ASCC2: variants seen among roughly 807,000 people sequenced by gnomAD.
The protein encoded by ASCC2 is ASC-1 complex subunit P100.
ASCC2 carries 42 observed loss-of-function variants against 93.5 expected under a neutral mutation model. That is an observed-to-expected ratio of 0.45 (90% CI 0.35 to 0.58). The LOEUF (loss-of-function observed/expected upper bound fraction) is 0.58, where lower values mean the gene tolerates loss of function less well. ASCC2 is among the 20% of genes least tolerant of loss of function. ASCC2 has a pLI of 0.00. For synonymous variants in ASCC2, 364 were observed against 384.2 expected, an observed-to-expected ratio of 0.95 and a Z score of 0.62; for missense variants, 859 against 977.6, an observed-to-expected ratio of 0.88 and a Z score of 1.62.
intron 11 of ASCC2, 38 bp downstream of exon 11, chr22:29,806,447 G>A: frequency 6.2e-7 from 1 of 1,605,054 alleles, no homozygotes; most frequent in Non-Finnish European, 8.5e-7. Context: ...GGGACCTGTG[G>A]GAGGGTCATG....
At chr22:29,794,719 T>A (rs549009631) in intron 15 of ASCC2, among the ~76,000 whole-genome samples, 9 of 152,300 alleles carry the variant, frequency 5.9e-5, no homozygotes, top group Admixed American at 3.9e-4. Flanking sequence ...CGTTGTGTGG[T>A]AGTTGTCAAG....
chr22:29,796,440 C>CG (rs2058451437), intron 15 of ASCC2, among the ~76,000 whole-genome samples: 1 of 152,062 alleles, frequency 6.6e-6, no homozygotes, highest in Non-Finnish European at 1.5e-5. Context: ...ATGTGCTGAA[C>CG]GGAAGCCCTG....
chr22:29,793,505 G>C lies in ASCC2; in HGVS notation c.1789-15C>G. 7 of 1,614,130 alleles carry C rather than the reference G, an allele frequency of 4.3e-6. No individual in the cohort carries two copies. Among genetic ancestry groups the C allele is most frequent in the Non-Finnish European group, 5.9e-6 (7 of 1,180,036 alleles). Reference sequence around the variant, plus strand: ...TGCAGTGGCACCTGCAATGGCATAAGCATGGGTCTGGGGGGCTCAGGGGCT... The same window carrying C: ...TGCAGTGGCACCTGCAATGGCATAACCATGGGTCTGGGGGGCTCAGGGGCT... On this transcript the variant is annotated splice_polypyrimidine_tract_variant and intron_variant, in intron 16 of 19. Coordinates refer to ENST00000307790, the MANE Select transcript of ASCC2 (RefSeq NM_032204.5).
intron 6 of ASCC2, 146 bp downstream of exon 6, chr22:29,815,860 G>A: frequency 1.5e-6 from 1 of 689,098 alleles, no homozygotes; most frequent in South Asian, 1.9e-5. Flanking sequence ...TCAGGGGTAA[G>A]ACAAAGAGAC....
Position 29,800,990 on chromosome 22 carries a change from C to A in ASCC2, c.1688+1G>T. On this transcript the variant is annotated splice_donor_variant, in intron 15 of 19. Coordinates refer to ENST00000307790, the MANE Select transcript of ASCC2 (RefSeq NM_032204.5). LOFTEE classifies it high-confidence loss of function. ...GGAACCCCATGGCCCACTGCACTCA[C>A]CTCTTGCCCTTGTGCACCCGGCTCA... 6.3e-7 allele frequency: 1 copy of A among 1,592,882 alleles called. No individual in the cohort carries two copies. Among genetic ancestry groups the A allele is most frequent in the Non-Finnish European group, 8.6e-7 (1 of 1,163,136 alleles).
At position 29,822,321 on chromosome 22, in the gene ASCC2, T is replaced by C. The variant is rs772882332; in HGVS notation, c.541+14A>G. The C allele has an allele frequency of 1.9e-6, 3 of 1,613,584 alleles. No individual in the cohort carries two copies. Among genetic ancestry groups the C allele is most frequent in the Non-Finnish European group, 2.5e-6 (3 of 1,179,648 alleles). ...CCATCTTGGTGCATCCTCCCAGTCCTGCATCCTACACACCTATCATCTTCT... is the reference window on the plus strand; with the variant it reads ...CCATCTTGGTGCATCCTCCCAGTCCCGCATCCTACACACCTATCATCTTCT... On this transcript the variant is annotated intron_variant, in intron 5 of 19. Coordinates refer to ENST00000307790, the MANE Select transcript of ASCC2 (RefSeq NM_032204.5).
At chr22:29,805,832 C>G (rs957058874) in intron 12 of ASCC2, among the ~76,000 whole-genome samples, 3 of 151,726 alleles carry the variant, frequency 2.0e-5, no homozygotes, top group African/African-American at 4.8e-5. Flanking sequence ...AGACCCCCAC[C>G]CAGAGCTCTG....
intron 5 of ASCC2, among the ~76,000 whole-genome samples, chr22:29,820,257 G>A (rs1569413329): frequency 1.3e-5 from 2 of 151,984 alleles, no homozygotes; most frequent in African/African-American, 4.8e-5. Flanking sequence ...CTGCCTCCTG[G>A]GTTAACACGA....
At chr22:29,826,839 T>C (rs1242380199) in intron 2 of ASCC2, among the ~76,000 whole-genome samples, 1 of 151,878 alleles carries the variant, frequency 6.6e-6, no homozygotes, top group Non-Finnish European at 1.5e-5. Context: ...GGCTCATGCC[T>C]ATAATCCCAG....
In ASCC2 at chr22:29,825,602, T is replaced by C; in HGVS notation, c.240+20A>G. ...CATGTCATGTGCTTTGTCTTAGCGT[T>C]AATTTTGATAGAATGTTACCTGGCA... On this transcript the variant is annotated intron_variant, in intron 3 of 19. Coordinates refer to ENST00000307790, the MANE Select transcript of ASCC2 (RefSeq NM_032204.5). The surrounding 1 kb of genome is among the most constrained non-coding windows in gnomAD (Gnocchi z 4.9). 6.2e-7 allele frequency: 1 copy of C among 1,614,164 alleles called. No homozygotes were observed. Among genetic ancestry groups the C allele is most frequent in the Middle Eastern group, 1.6e-4 (1 of 6,062 alleles).
At position 29,802,024 on chromosome 22, in the gene ASCC2, G is replaced by A; in HGVS notation, c.1538C>T (p.Thr513Ile). 1.2e-6 allele frequency: 2 copies of A among 1,607,668 alleles called. No homozygotes were observed. The highest frequency in any genetic ancestry group is 1.7e-6 in the Non-Finnish European group (2 of 1,176,800). ...NNILEERLAP[T>I]LSQLDRNLDR... ...TAGGTTGCGGTCCAGCTGGCTGAGGGTGGGGGCCAGCCGCTCCTCCAGGAT... is the reference window on the plus strand; with the variant it reads ...TAGGTTGCGGTCCAGCTGGCTGAGGATGGGGGCCAGCCGCTCCTCCAGGAT... The change falls in exon 14 of 20, where the codon ACC (threonine) becomes ATC (isoleucine). Residue 513 changes from threonine (T) to isoleucine (I), a missense_variant. By Grantham distance (89) the Thr-to-Ile change is moderately conservative. Coordinates refer to ENST00000307790, the MANE Select transcript of ASCC2 (RefSeq NM_032204.5).
intron 1 of ASCC2, among the ~76,000 whole-genome samples, chr22:29,835,397 C>T (rs1048224675): frequency 6.7e-6 from 1 of 148,868 alleles, no homozygotes; most frequent in Non-Finnish European, 1.5e-5. Flanking sequence ...GACCCTGTCC[C>T]AAAATTTAAA....
At position 29,825,227 on chromosome 22, in the gene ASCC2, G is replaced by A. The variant is rs2062147059; in HGVS notation, c.271C>T (p.Leu91=). The change falls in exon 4 of 20, where the codon CTG becomes TTG. Residue 91 remains leucine, a synonymous_variant. Transcript: ENST00000307790. This position sits in a 1 kb window ranked among gnomAD's most constrained non-coding sequence, Gnocchi z 4.9. Reference sequence around the variant, plus strand: ...GGGACATAGCGCAGGTAGGAGTCCAGGCACTTCTGTAGAGTCTCGTCAAAG... The same window carrying A: ...GGGACATAGCGCAGGTAGGAGTCCAAGCACTTCTGTAGAGTCTCGTCAAAG... ...VIFDETLQKC[L]DSYLRYVPRK... is the part of the protein sequence containing the mutation. The A allele has an allele frequency of 2.0e-6, 3 of 1,538,134 alleles. No individual in the cohort carries two copies. Among genetic ancestry groups the A allele is most frequent in the Non-Finnish European group, 2.6e-6 (3 of 1,143,058 alleles).
intron 14 of ASCC2, 57 bp downstream of exon 14, chr22:29,801,937 G>C: frequency 1.3e-6 from 2 of 1,481,610 alleles, no homozygotes; most frequent in Middle Eastern, 1.9e-4. Flanking sequence ...GAGAGGAAGG[G>C]GCCCCACCCC....
Position 29,833,410 on chromosome 22 carries a change from C to T in ASCC2, c.-17-1068G>A, listed in dbSNP as rs3958025. On this transcript the variant is annotated intron_variant, in intron 1 of 19. Coordinates refer to ENST00000307790, the MANE Select transcript of ASCC2 (RefSeq NM_032204.5). ...GGAAGAAGTACGTGGAAGAATAGAACGACATGAGAAGAAGGGAAGAAGGAC... is the reference window on the plus strand; with the variant it reads ...GGAAGAAGTACGTGGAAGAATAGAATGACATGAGAAGAAGGGAAGAAGGAC... The T allele has an allele frequency of 6.0e-3, 2,092 of 348,334 alleles. 13 individuals are homozygous for T. Among genetic ancestry groups the T allele is most frequent in the Middle Eastern group, 0.012 (25 of 2,034 alleles). 21.6% of individuals were successfully genotyped at this position (348,334 alleles called of 1,614,324 possible).
At chr22:29,793,261 G>A in intron 17 of ASCC2, 99 bp downstream of exon 17, 3 of 1,529,978 alleles carry the variant, frequency 2.0e-6, no homozygotes, top group Non-Finnish European at 2.7e-6. Flanking sequence ...CTGGGTTTGG[G>A]CCCTGGATCT....
intron 9 of ASCC2, 84 bp downstream of exon 9, chr22:29,808,027 G>A (rs2059879954): frequency 7.2e-7 from 1 of 1,386,770 alleles, no homozygotes; most frequent in African/African-American, 1.4e-5. Context: ...CTTAGAGATA[G>A]GGATGCTAAT....
intron 5 of ASCC2, chr22:29,821,924 A>G (rs1387585606): frequency 4.4e-6 from 2 of 451,724 alleles, no homozygotes; most frequent in African/African-American, 2.0e-5. Context: ...GCTTTACTCC[A>G]GGAATGTGAA....
In ASCC2 at chr22:29,796,114, C is replaced by CT. The variant is rs796176155; in HGVS notation, c.1689-2439dup. ...GGCTAGGGTTTGCCTCCCTTCACAT[C>CT]TTTTTTTTTTTTGAGACGGACTCTT... is the stretch of plus-strand genomic sequence containing the variant. On this transcript the variant is annotated intron_variant, in intron 15 of 19. Coordinates refer to ENST00000307790, the MANE Select transcript of ASCC2 (RefSeq NM_032204.5). 7.4e-3 allele frequency among the ~76,000 whole-genome samples: 1,064 copies of CT among 144,322 alleles called. 17 individuals carry two copies. The highest frequency in any genetic ancestry group is 0.023 in the African/African-American group (923 of 39,656). The allele number at this position is 144,322 out of a possible 152,430, so 94.7% of individuals were successfully genotyped here.
Sources: allele counts gnomAD v4.1 joint callset (sites outside exome capture counted in the v4.1 genomes callset), GRCh38; gene constraint gnomAD v4.1.1; non-coding constraint Gnocchi (gnomAD v3.1); transcripts MANE v1.5; gene names NCBI Gene and HGNC (gene_info 2026-07-23, HGNC 2026-07-21).